The following BMP8A variants were observed in gnomAD, a reference collection of about 807,000 sequenced individuals.
The protein encoded by BMP8A is BMP-8A.
In BMP8A, 14 loss-of-function variants were observed where a neutral mutation model predicts 36.8. That is an observed-to-expected ratio of 0.38 (90% CI 0.25 to 0.60). BMP8A has a LOEUF of 0.60. BMP8A is among the 20% of genes least tolerant of loss of function. The pLI is 0.63. For synonymous variants in BMP8A, 120 were observed against 237.7 expected (o/e 0.50, Z 4.55); for missense variants, 267 against 551.1 (o/e 0.48, Z 5.16).
At chr1:39,497,111 G>A (rs769443931) in intron 1 of BMP8A, among the ~76,000 whole-genome samples, 10 of 152,114 alleles carry the variant, frequency 6.6e-5, no homozygotes, top group Non-Finnish European at 1.5e-4. Context: ...TGTATCTGTA[G>A]TTCTTTTTTT....
In BMP8A at chr1:39,492,393, G is replaced by C. The variant is rs868414541; in HGVS notation, c.334+68G>C. 118 of 1,411,798 alleles carry C rather than the reference G, an allele frequency of 8.4e-5. 1 individual carries two copies. In the South Asian group the frequency reaches 1.7e-3, roughly 21 times the overall value. The allele number at this position is 1,411,798 out of a possible 1,614,324, so 87.5% of individuals were successfully genotyped here. A position where few individuals can be genotyped will look rare whatever the true frequency, so the allele number is the denominator to read the frequency against. ...CTGCAGGGGAGGGGCGCGCATCCGC[G>C]GGCGGTGCCGGGCCCTGGCCGAACG... On this transcript the variant is annotated intron_variant, in intron 1 of 6. Transcript: ENST00000331593.
chr1:39,509,617 C>A (rs1276778052), intron 1 of BMP8A, among the ~76,000 whole-genome samples: 1 of 152,176 alleles, frequency 6.6e-6, no homozygotes, highest in Non-Finnish European at 1.5e-5. Context: ...CTGGCCCCAT[C>A]CCCCGCCCCG....
intron 5 of BMP8A, 104 bp downstream of exon 5, chr1:39,522,586 T>C (rs1206016812): frequency 4.1e-5 from 54 of 1,318,250 alleles, no homozygotes; most frequent in South Asian, 7.6e-5. Flanking sequence ...AATTTTCTTA[T>C]GTATTTTTTT....
intron 6 of BMP8A, chr1:39,525,014 G>A (rs1645467541): frequency 6.5e-6 from 1 of 153,008 alleles, no homozygotes. Flanking sequence ...GGCCTCATTA[G>A]ACCCCCAAGT....
rs892908573 is a variant in BMP8A at position 39,529,667 on chromosome 1, TAATC to T, written c.*3875_*3878del. 3.3e-5 allele frequency among the ~76,000 whole-genome samples: 5 copies of T among 152,362 alleles called. No homozygotes were observed. The highest frequency in any genetic ancestry group is 1.2e-4 in the African/African-American group (5 of 41,584). ...ACAAAAACCAGAATACAAACACCCA[TAATC>T]AATCACAGAGATAACCACTGTTCAT... On this transcript the variant is annotated 3_prime_UTR_variant, in exon 7 of 7. Coordinates refer to ENST00000331593, the MANE Select transcript of BMP8A (RefSeq NM_181809.4).
intron 1 of BMP8A, among the ~76,000 whole-genome samples, chr1:39,493,907 G>A (rs1048690931): frequency 5.3e-5 from 8 of 152,330 alleles, no homozygotes; most frequent in Non-Finnish European, 1.0e-4. Context: ...GCCCACATCC[G>A]ACCTCCCCTG....
Position 39,523,625 on chromosome 1 carries a change from C to T in BMP8A, c.1059+508C>T, listed in dbSNP as rs1259002095. On this transcript the variant is annotated intron_variant, in intron 6 of 6. Transcript: ENST00000331593. ...GGCTCTCAACCTTTTGGCTTTTTCC[C>T]GCAGTTTCTCTCTTGGCTGTCTGTG... 5.6e-5 allele frequency: 81 copies of T among 1,443,836 alleles called. 1 individual carries two copies. The highest frequency in any genetic ancestry group is 1.8e-4 in the Middle Eastern group (1 of 5,530). The allele number at this position is 1,443,836 out of a possible 1,614,324, so 89.4% of individuals were successfully genotyped here.
rs1241109498 is a variant in BMP8A at position 39,522,384 on chromosome 1, G to GC, written c.869-15dup. On this transcript the variant is annotated intron_variant, in intron 4 of 6. Coordinates refer to ENST00000331593, the MANE Select transcript of BMP8A (RefSeq NM_181809.4). ...CAGCAGGAACCCCAGAAAAGACCTT[G>GC]CCCCTTCTGTCCCTGCAGATGACGT... 6.5e-7 allele frequency: 1 copy of GC among 1,538,370 alleles called. No individual in the cohort carries two copies. Among genetic ancestry groups the GC allele is most frequent in the African/African-American group, 1.4e-5 (1 of 74,050 alleles).
At chr1:39,508,636 C>T (rs1488670769) in intron 1 of BMP8A, among the ~76,000 whole-genome samples, 1 of 152,198 alleles carries the variant, frequency 6.6e-6, no homozygotes, top group Non-Finnish European at 1.5e-5. Flanking sequence ...AAATCTGGGT[C>T]CCAACAAATG....
intron 1 of BMP8A, among the ~76,000 whole-genome samples, chr1:39,507,516 C>A (rs1645312216): frequency 6.6e-6 from 1 of 152,178 alleles, no homozygotes; most frequent in South Asian, 2.1e-4. Context: ...TCCACGGTAG[C>A]AGAAGGAGCC....
At chr1:39,523,743 C>T (rs1448378669) in intron 6 of BMP8A, 6 of 1,298,308 alleles carry the variant, frequency 4.6e-6, no homozygotes, top group Non-Finnish European at 6.0e-6. Context: ...TGGTGCTGCT[C>T]ACCACTGAGT....
At chr1:39,525,140 G>A (rs762748527) in intron 6 of BMP8A, 10 of 158,880 alleles carry the variant, frequency 6.3e-5, no homozygotes, top group Admixed American at 2.4e-4. Flanking sequence ...TGCTGAGGGC[G>A]GATGCAGTCC....
chr1:39,519,459 C>T (rs1191814270), intron 3 of BMP8A, among the ~76,000 whole-genome samples: 1 of 138,916 alleles, frequency 7.2e-6, no homozygotes, highest in Non-Finnish European at 1.6e-5. Context: ...AGTGGATTCT[C>T]TCTGGGCCTC....
At position 39,508,258 on chromosome 1, in the gene BMP8A, AAAAAAAG is replaced by A. The variant is rs1290399494; in HGVS notation, c.335-2902_335-2896del. Among the ~76,000 whole-genome samples, 819 of 151,368 alleles carry A rather than the reference AAAAAAAG, an allele frequency of 5.4e-3. 6 individuals carry two copies. The highest frequency in any genetic ancestry group is 0.014 in the Middle Eastern group (4 of 294). On this transcript the variant is annotated intron_variant, in intron 1 of 6. Transcript: ENST00000331593. ...AGAGCAAGACTCCGTCTCAAAAAAAAAAAAAAGAAAAAAGAAAAAAAGAAAACTGAAC... is the reference window on the plus strand; with the variant it reads ...AGAGCAAGACTCCGTCTCAAAAAAAAAAAAAAGAAAAAAAGAAAACTGAAC...
intron 1 of BMP8A, among the ~76,000 whole-genome samples, chr1:39,501,183 C>G (rs982097859): frequency 6.6e-6 from 1 of 152,214 alleles, no homozygotes; most frequent in African/African-American, 2.4e-5. Context: ...AACCCACCCA[C>G]TGGCCCCCTC....
chr1:39,522,288 T>G (rs1312017274), intron 4 of BMP8A, 115 bp from the exon 5 acceptor site: 88 of 1,130,144 alleles, frequency 7.8e-5, no homozygotes, highest in Non-Finnish European at 3.4e-5. Context: ...AATGGTTTCC[T>G]GTCATTCATT....
intron 1 of BMP8A, among the ~76,000 whole-genome samples, chr1:39,509,312 G>A (rs1398183990): frequency 6.6e-6 from 1 of 152,204 alleles, no homozygotes; most frequent in Non-Finnish European, 1.5e-5. Flanking sequence ...TAACACAGGG[G>A]GATCTGCAGT....
At chr1:39,522,185 G>A (rs888175274) in intron 4 of BMP8A, 9 of 530,884 alleles carry the variant, frequency 1.7e-5, no homozygotes, top group Non-Finnish European at 2.7e-5. Context: ...GGAGGACTGG[G>A]CACAGTGTCA....
At chr1:39,523,320 A>G (rs1645449063) in intron 6 of BMP8A, among the ~76,000 whole-genome samples, 1 of 152,110 alleles carries the variant, frequency 6.6e-6, no homozygotes, top group East Asian at 1.9e-4. Flanking sequence ...ACATAGACCC[A>G]CACCCAAACA....
Sources: gnomAD v4.1 joint callset for allele counts (sites outside exome capture counted in the v4.1 genomes callset) on GRCh38, gnomAD v4.1.1 for gene constraint, MANE v1.5 for transcripts, NCBI Gene and HGNC (gene_info 2026-07-23, HGNC 2026-07-21) for gene names.